The following PPP6R2 variants were observed in gnomAD, a reference collection of about 807,000 sequenced individuals.
PPP6R2 encodes protein phosphatase 6 regulatory subunit 2.
A neutral mutation model predicts 100.2 loss-of-function variants in PPP6R2; 62 were observed. That is an observed-to-expected ratio of 0.62 (90% CI 0.50 to 0.76). PPP6R2 has a LOEUF of 0.76. Ranked by LOEUF, PPP6R2 falls within the 30% of genes least tolerant of loss-of-function variation. The pLI is 0.00. For missense variants in PPP6R2, 1,142 were observed against 1,276.3 expected (o/e 0.89, Z 1.60); for synonymous variants, 525 against 514.7 (o/e 1.02, Z -0.27).
At position 50,394,019 on chromosome 22, in the gene PPP6R2, T is replaced by C. The variant is rs2056199639; in HGVS notation, c.111T>C (p.Cys37=). Reference sequence around the variant, plus strand: ...ATGAAGATGACATCTTGCAGGAGTGTAAGGCTCAGAACCAGAAGCTGCTGG... The same window carrying C: ...ATGAAGATGACATCTTGCAGGAGTGCAAGGCTCAGAACCAGAAGCTGCTGG... The part of the protein sequence containing the change: ...LMDEDDILQE[C]KAQNQKLLDF... Residue 37 remains cysteine, a synonymous_variant, in exon 3 of 24, where the codon TGT becomes TGC. Coordinates refer to ENST00000612753, the MANE Select transcript of PPP6R2 (RefSeq NM_001242898.2). 6.2e-7 allele frequency: 1 copy of C among 1,614,142 alleles called. No individual in the cohort carries two copies. Among genetic ancestry groups the C allele is most frequent in the Non-Finnish European group, 8.5e-7 (1 of 1,180,014 alleles).
chr22:50,351,198 G>A (rs1306436165), intron 1 of PPP6R2, among the ~76,000 whole-genome samples: 6 of 142,520 alleles, frequency 4.2e-5, no homozygotes, highest in African/African-American at 1.6e-4. Flanking sequence ...GTGCCATTGC[G>A]CCCAGCTAAT....
chr22:50,333,035 A>G, the PPP6R2 span, among the ~76,000 whole-genome samples: 53,240 of 151,846 alleles, frequency 0.35, 9,556 homozygotes, highest in South Asian at 0.58. Flanking sequence ...GCTACTTGGG[A>G]GGCTGAAGCA....
intron 1 of PPP6R2, among the ~76,000 whole-genome samples, chr22:50,351,023 A>AGTG (rs1419059576): frequency 1.9e-4 from 20 of 102,912 alleles, no homozygotes; most frequent in Admixed American, 3.1e-4. Flanking sequence ...AGGTCTCAAC[A>AGTG]GTGTTTTTTT....
intron 1 of PPP6R2, among the ~76,000 whole-genome samples, chr22:50,368,453 C>T (rs888762657): frequency 6.6e-6 from 1 of 152,130 alleles, no homozygotes; most frequent in African/African-American, 2.4e-5. Flanking sequence ...CCTTCAGCTC[C>T]TATCTCTGTA....
chr22:50,351,037 T>TTTTG (rs2045044544), intron 1 of PPP6R2, among the ~76,000 whole-genome samples: 1 of 115,462 alleles, frequency 8.7e-6, no homozygotes, highest in Admixed American at 9.2e-5. Flanking sequence ...TTTTTTTTTT[T>TTTTG]TTTTTTTTTT....
In PPP6R2 at chr22:50,423,387, G is replaced by T; in HGVS notation, c.973-75G>T. 6.3e-7 allele frequency: 1 copy of T among 1,577,344 alleles called. No homozygotes were observed. Among genetic ancestry groups the T allele is most frequent in the Non-Finnish European group, 8.7e-7 (1 of 1,152,238 alleles). On this transcript the variant is annotated intron_variant, in intron 9 of 23. Coordinates refer to ENST00000612753, the MANE Select transcript of PPP6R2 (RefSeq NM_001242898.2). This position sits in a 1 kb window ranked among gnomAD's most constrained non-coding sequence, Gnocchi z 4.8. ...GCTGGGTCCCAGCCTAGAGTGATGG[G>T]CATGAGCCCAGAGACTCCAGCAGTG...
intron 1 of PPP6R2, among the ~76,000 whole-genome samples, chr22:50,354,868 CTTTTTTTT>C (rs762678639): frequency 7.9e-6 from 1 of 126,356 alleles, no homozygotes; most frequent in Non-Finnish European, 1.7e-5. Flanking sequence ...CTGGATCAGC[CTTTTTTTT>C]TTTTTTTTTT....
At position 50,423,342 on chromosome 22, in the gene PPP6R2, C is replaced by G. The variant is rs2061581264; in HGVS notation, c.973-120C>G. The G allele has an allele frequency of 6.3e-6, 8 of 1,269,184 alleles. No homozygotes were observed. The Admixed American group carries it at 1.6e-4, about 25-fold the overall frequency. 78.6% of individuals were successfully genotyped at this position (1,269,184 alleles called of 1,614,324 possible). ...ACGGCCCTCCCTGAGGAACCCCCAC[C>G]ACATACCTCGCTACCCCAGGCTGGG... On this transcript the variant is annotated intron_variant, in intron 9 of 23. Coordinates refer to ENST00000612753, the MANE Select transcript of PPP6R2 (RefSeq NM_001242898.2). This position sits in a 1 kb window ranked among gnomAD's most constrained non-coding sequence, Gnocchi z 4.8.
intron 2 of PPP6R2, among the ~76,000 whole-genome samples, chr22:50,375,823 T>A (rs2148594452): frequency 6.9e-6 from 1 of 145,912 alleles, no homozygotes; most frequent in Non-Finnish European, 1.5e-5. Context: ...ATACAAAGAA[T>A]CCCTGCAGAT....
chr22:50,337,160 G>A, the PPP6R2 span, among the ~76,000 whole-genome samples: 1 of 150,130 alleles, frequency 6.7e-6, no homozygotes, highest in Admixed American at 6.7e-5. Context: ...GTGTGTGTGT[G>A]CGATGTGTGG....
rs1556252047 is a variant in PPP6R2 at position 50,416,077 on chromosome 22, C to A, written c.553-15C>A. 3.1e-6 allele frequency: 5 copies of A among 1,610,252 alleles called. No homozygotes were observed. In the South Asian group the frequency reaches 5.5e-5, roughly 18 times the overall value. ...CTTGAGCAGCGACACTGAAAGGCCT[C>A]TTTTTCTCTTTCAGTGGCTGAATGA... On this transcript the variant is annotated splice_polypyrimidine_tract_variant and intron_variant, in intron 5 of 23. Transcript: ENST00000612753.
At chr22:50,377,520 G>A (rs2051871332) in intron 2 of PPP6R2, among the ~76,000 whole-genome samples, 1 of 152,086 alleles carries the variant, frequency 6.6e-6, no homozygotes, top group African/African-American at 2.4e-5. Context: ...CAGTGAACCA[G>A]AAAACAGGTC....
chr22:50,340,855 T>C (rs1438835099), upstream of PPP6R2, among the ~76,000 whole-genome samples: 1 of 151,882 alleles, frequency 6.6e-6, no homozygotes, highest in Non-Finnish European at 1.5e-5. Flanking sequence ...ACTTTGTCGT[T>C]CAGCCTGTGA....
chr22:50,337,262 AGTGT>A, the PPP6R2 span, among the ~76,000 whole-genome samples: 1 of 117,548 alleles, frequency 8.5e-6, no homozygotes, highest in African/African-American at 3.2e-5. Context: ...GTGTGTGTGC[AGTGT>A]GTGTGGTACA....
upstream of PPP6R2, among the ~76,000 whole-genome samples, chr22:50,341,854 G>A (rs2042425392): frequency 6.6e-6 from 1 of 152,152 alleles, no homozygotes; most frequent in Non-Finnish European, 1.5e-5. Flanking sequence ...TTAGCCGGGC[G>A]CGGTGGCGGG....
intron 2 of PPP6R2, among the ~76,000 whole-genome samples, chr22:50,378,481 G>A (rs943067300): frequency 6.6e-6 from 1 of 152,112 alleles, no homozygotes; most frequent in African/African-American, 2.4e-5. Context: ...AGCTACTTGG[G>A]AGGCTGAGGC....
At chr22:50,350,873 C>T (rs62241246) in intron 1 of PPP6R2, among the ~76,000 whole-genome samples, 3,891 of 151,396 alleles carry the variant, frequency 0.026, 66 homozygotes, top group Non-Finnish European at 0.041. Flanking sequence ...ACTCCTTGAT[C>T]CATGGGCTGC....
At chr22:50,339,837 GGTGTGTGGT>G (rs1217520600), upstream of PPP6R2, among the ~76,000 whole-genome samples, 12 of 38,796 alleles carry the variant, frequency 3.1e-4, no homozygotes, top group Middle Eastern at 0.037. Context: ...TAGTGTGTGT[GGTGTGTGGT>G]GTGTGTGTGG....
At chr22:50,377,026 CAAAAAAA>C (rs2051750380) in intron 2 of PPP6R2, among the ~76,000 whole-genome samples, 1 of 149,428 alleles carries the variant, frequency 6.7e-6, no homozygotes, top group African/African-American at 2.5e-5. Flanking sequence ...GACTCCGTCT[CAAAAAAA>C]TAAAAAATAA....
Sources: allele counts gnomAD v4.1 joint callset (sites outside exome capture counted in the v4.1 genomes callset), GRCh38; gene constraint gnomAD v4.1.1; non-coding constraint Gnocchi (gnomAD v3.1); transcripts MANE v1.5; gene names NCBI Gene and HGNC (gene_info 2026-07-23, HGNC 2026-07-21).